VAPB: variants seen among roughly 807,000 people sequenced by gnomAD.
The protein encoded by VAPB is VAMP associated protein B and C.
VAPB carries 7 observed loss-of-function variants against 25.6 expected under a neutral mutation model. That is an observed-to-expected ratio of 0.27 (90% CI 0.16 to 0.51). The LOEUF (loss-of-function observed/expected upper bound fraction) is 0.51, where lower values mean the gene tolerates loss of function less well. Among genes scored for constraint, VAPB ranks in the 20% least tolerant of loss-of-function variants. VAPB has a pLI of 0.97. For synonymous variants in VAPB, 112 were observed against 109.2 expected (o/e 1.03, Z -0.16); for missense variants, 266 against 301.3 (o/e 0.88, Z 0.87).
At chr20:58,428,294 G>C (rs1272192152) in intron 2 of VAPB, among the ~76,000 whole-genome samples, 1 of 151,720 alleles carries the variant, frequency 6.6e-6, no homozygotes, top group Non-Finnish European at 1.5e-5. Flanking sequence ...TAGTGACCTG[G>C]CTTCCAGGCT....
chr20:58,430,268 G>T (rs1383523876), intron 2 of VAPB, among the ~76,000 whole-genome samples: 2 of 149,590 alleles, frequency 1.3e-5, no homozygotes, highest in South Asian at 2.1e-4. Context: ...TTTTGAGGTG[G>T]AGTCTCTGTC....
chr20:58,442,476 C>T (rs772854854), intron 5 of VAPB, among the ~76,000 whole-genome samples: 26 of 152,028 alleles, frequency 1.7e-4, no homozygotes, highest in African/African-American at 4.6e-4. Flanking sequence ...TTAAGCCAGT[C>T]GGACACCACC....
At chr20:58,397,906 G>A (rs1253507928) in intron 1 of VAPB, among the ~76,000 whole-genome samples, 1 of 152,144 alleles carries the variant, frequency 6.6e-6, no homozygotes, top group African/African-American at 2.4e-5. Flanking sequence ...TTGGGAAGTC[G>A]TCATTTTCCA....
At chr20:58,408,564 C>T (rs1451224000) in intron 1 of VAPB, among the ~76,000 whole-genome samples, 1 of 152,080 alleles carries the variant, frequency 6.6e-6, no homozygotes, top group Non-Finnish European at 1.5e-5. Flanking sequence ...GGTTATTTAA[C>T]AGCTCACTCT....
At chr20:58,432,956 C>T (rs1353131258) in intron 2 of VAPB, among the ~76,000 whole-genome samples, 1 of 152,182 alleles carries the variant, frequency 6.6e-6, no homozygotes, top group Non-Finnish European at 1.5e-5. Flanking sequence ...TTCCTTGTAG[C>T]TCAGGGCCTT....
At chr20:58,432,153 G>A (rs181766932) in intron 2 of VAPB, among the ~76,000 whole-genome samples, 1 of 152,086 alleles carries the variant, frequency 6.6e-6, no homozygotes, top group Non-Finnish European at 1.5e-5. Context: ...TACTCCCACT[G>A]CCTCTAGGAA....
intron 1 of VAPB, among the ~76,000 whole-genome samples, chr20:58,395,703 T>G (rs1987942165): frequency 6.6e-6 from 1 of 152,214 alleles, no homozygotes; most frequent in Admixed American, 6.5e-5. Flanking sequence ...GGCATCCTTG[T>G]TTTTTTCTAT....
intron 2 of VAPB, among the ~76,000 whole-genome samples, chr20:58,420,454 C>T (rs1988645769): frequency 6.6e-6 from 1 of 152,196 alleles, no homozygotes. Flanking sequence ...GAGTGTGGCA[C>T]AGTCATCAAG....
At chr20:58,397,476 G>A (rs528075271) in intron 1 of VAPB, among the ~76,000 whole-genome samples, 444 of 149,786 alleles carry the variant, frequency 3.0e-3, no homozygotes, top group Non-Finnish European at 5.4e-3. Flanking sequence ...CCGAGATCCC[G>A]CCATCGCACT....
At position 58,440,745 on chromosome 20, in the gene VAPB, G is replaced by A. The variant is rs1169529940; in HGVS notation, c.397-162G>A. 7.8e-6 allele frequency: 5 copies of A among 638,536 alleles called. No individual in the cohort carries two copies. The Admixed American group carries it at 1.1e-4, about 15-fold the overall frequency. The allele number at this position is 638,536 out of a possible 1,614,324, so 39.6% of individuals were successfully genotyped here. A position where few individuals can be genotyped will look rare whatever the true frequency, so the allele number is the denominator to read the frequency against. ...GGGCCCTGTTGCTTTAGATTATTAA[G>A]ATATCAGATAAAGTAATCCATTTTT... On this transcript the variant is annotated intron_variant, in intron 4 of 5. Transcript: ENST00000475243.
At chr20:58,409,268 G>T (rs1209510990) in intron 1 of VAPB, among the ~76,000 whole-genome samples, 1 of 152,206 alleles carries the variant, frequency 6.6e-6, no homozygotes, top group Non-Finnish European at 1.5e-5. Flanking sequence ...ATAATGTGGG[G>T]ATTGGTGCAC....
At chr20:58,428,534 C>G (rs1568714373) in intron 2 of VAPB, among the ~76,000 whole-genome samples, 1 of 152,090 alleles carries the variant, frequency 6.6e-6, no homozygotes, top group Non-Finnish European at 1.5e-5. Flanking sequence ...CACCTATAGT[C>G]CTAGCTACTC....
rs1989100965 is a variant in VAPB, at chr20:58,438,818, T to G, written c.316-127T>G. 20 of 754,506 alleles carry G rather than the reference T, an allele frequency of 2.7e-5. No homozygotes were observed. In the South Asian group the frequency reaches 3.2e-4, roughly 12 times the overall value. The allele number at this position is 754,506 out of a possible 1,614,324, so 46.7% of individuals were successfully genotyped here. Reference sequence around the variant, plus strand: ...ATATTGAAATCTCAGCAGACTTCAGTTCTTTATTTGATATACATCAGGGCT... The same window carrying G: ...ATATTGAAATCTCAGCAGACTTCAGGTCTTTATTTGATATACATCAGGGCT... On this transcript the variant is annotated intron_variant, in intron 3 of 5. Transcript: ENST00000475243.
rs1989374323 is a variant in VAPB at position 58,449,223 on chromosome 20, A to ACATT, written c.*4988_*4989insCATT. Reference sequence around the variant, plus strand: ...GCCTAGAACATTAGCTGAGCTGCACAAGCTCACCCACCCCTGTGCCAGGGG... The same window carrying ACATT: ...GCCTAGAACATTAGCTGAGCTGCACACATTAGCTCACCCACCCCTGTGCCAGGGG... On this transcript the variant is annotated 3_prime_UTR_variant, in exon 6 of 6. Transcript: ENST00000475243. 2.2e-6 allele frequency: 1 copy of ACATT among 454,016 alleles called. No individual in the cohort carries two copies. 28.1% of individuals were successfully genotyped at this position (454,016 alleles called of 1,614,324 possible). A position where few individuals can be genotyped will look rare whatever the true frequency, so the allele number is the denominator to read the frequency against.
Position 58,446,645 on chromosome 20 carries a change from T to A in VAPB, c.*2410T>A. The A allele has an allele frequency of 2.2e-6, 1 of 454,054 alleles. No individual in the cohort carries two copies. The highest frequency in any genetic ancestry group is 4.4e-6 in the Non-Finnish European group (1 of 226,788). The allele number at this position is 454,054 out of a possible 1,614,324, so 28.1% of individuals were successfully genotyped here. A position where few individuals can be genotyped will look rare whatever the true frequency, so the allele number is the denominator to read the frequency against. ...TTCTCAGAGGATGTGGACATTTTGG[T>A]TGCAGCTAAAAATCAGTCTCTGAAG... On this transcript the variant is annotated 3_prime_UTR_variant, in exon 6 of 6. Transcript: ENST00000475243.
intron 1 of VAPB, among the ~76,000 whole-genome samples, chr20:58,403,936 T>C (rs890726174): frequency 2.0e-5 from 3 of 152,168 alleles, no homozygotes; most frequent in African/African-American, 7.2e-5. Flanking sequence ...TCACTCCCCA[T>C]TTTCCGTAAC....
chr20:58,448,143 G>T lies in VAPB; in HGVS notation c.*3908G>T. 2.2e-6 allele frequency: 1 copy of T among 454,040 alleles called. No homozygotes were observed. The allele number at this position is 454,040 out of a possible 1,614,324, so 28.1% of individuals were successfully genotyped here. On this transcript the variant is annotated 3_prime_UTR_variant, in exon 6 of 6. Coordinates refer to ENST00000475243, the MANE Select transcript of VAPB (RefSeq NM_004738.5). ...GTTGTTGAGAAGGAGTGTTCTCAAAGATGAGCTGGAATGGAATTGTATTTA... is the reference window on the plus strand; with the variant it reads ...GTTGTTGAGAAGGAGTGTTCTCAAATATGAGCTGGAATGGAATTGTATTTA...
chr20:58,435,675 C>G (rs543189235), intron 3 of VAPB, among the ~76,000 whole-genome samples: 1 of 152,264 alleles, frequency 6.6e-6, no homozygotes, highest in African/African-American at 2.4e-5. Flanking sequence ...GAAGCATCTC[C>G]GCTGATGTTT....
intron 2 of VAPB, among the ~76,000 whole-genome samples, chr20:58,428,451 G>A (rs1409626922): frequency 1.3e-5 from 2 of 152,162 alleles, no homozygotes; most frequent in East Asian, 1.9e-4. Flanking sequence ...TAGCGTAACA[G>A]TGCTTAAACT....
Sources: gnomAD v4.1 joint callset for allele counts (sites outside exome capture counted in the v4.1 genomes callset) on GRCh38, gnomAD v4.1.1 for gene constraint, MANE v1.5 for transcripts, NCBI Gene and HGNC (gene_info 2026-07-23, HGNC 2026-07-21) for gene names.